NTN4: variants seen among roughly 807,000 people sequenced by gnomAD.
NTN4 encodes netrin-4.
NTN4 carries 32 observed loss-of-function variants against 73.6 expected under a neutral mutation model. The ratio of observed to expected loss-of-function variants is 0.44; its 90% CI spans 0.33 to 0.58. NTN4 has a LOEUF of 0.58. Ranked by LOEUF, NTN4 falls within the 20% of genes least tolerant of loss-of-function variation. The pLI is 0.04. For synonymous variants in NTN4, 258 were observed against 287.5 expected (o/e 0.90, Z 1.04); for missense variants, 654 against 798.3 (o/e 0.82, Z 2.18).
chr12:95,673,087 C>T, intron 7 of NTN4: 1 of 1,382,426 alleles, frequency 7.2e-7, no homozygotes, highest in South Asian at 1.2e-5. Flanking sequence ...GGGCGGACTA[C>T]TGTCCCCAGG....
chr12:95,728,594 C>T (rs1021310282), intron 3 of NTN4, among the ~76,000 whole-genome samples: 2 of 152,202 alleles, frequency 1.3e-5, no homozygotes, highest in African/African-American at 4.8e-5. Context: ...TATGGAAATA[C>T]TATGATCCTG....
intron 3 of NTN4, among the ~76,000 whole-genome samples, chr12:95,721,640 C>T (rs992222926): frequency 7.9e-5 from 12 of 152,252 alleles, no homozygotes; most frequent in Admixed American, 5.9e-4. Context: ...CTATTAGATA[C>T]GATCTGGTAA....
chr12:95,695,198 T>C (rs2078432088), intron 5 of NTN4, among the ~76,000 whole-genome samples: 1 of 152,138 alleles, frequency 6.6e-6, no homozygotes, highest in African/African-American at 2.4e-5. Context: ...TTTCATTTAC[T>C]GAAGTTCAGT....
At chr12:95,669,206 T>A (rs80309349) in intron 8 of NTN4, among the ~76,000 whole-genome samples, 8,214 of 125,974 alleles carry the variant, frequency 0.065, 394 homozygotes, top group East Asian at 0.28. Flanking sequence ...AGACTCTGTC[T>A]AAAAAAAAAA....
At chr12:95,721,560 G>A (rs532730442) in intron 3 of NTN4, among the ~76,000 whole-genome samples, 1 of 152,234 alleles carries the variant, frequency 6.6e-6, no homozygotes, top group East Asian at 1.9e-4. Context: ...ATGACAGCAG[G>A]AATGTAAATA....
At chr12:95,682,256 G>A (rs1462682480) in intron 7 of NTN4, among the ~76,000 whole-genome samples, 3 of 151,462 alleles carry the variant, frequency 2.0e-5, no homozygotes, top group Non-Finnish European at 4.4e-5. Flanking sequence ...CTCTTGCTAT[G>A]TTTCCCAGGC....
chr12:95,731,819 A>G (rs1190798661), intron 3 of NTN4, among the ~76,000 whole-genome samples: 1 of 152,108 alleles, frequency 6.6e-6, no homozygotes, highest in Non-Finnish European at 1.5e-5. Flanking sequence ...CTGACAGGTG[A>G]ATGTAATTGT....
intron 9 of NTN4, among the ~76,000 whole-genome samples, chr12:95,660,584 A>C (rs1203753061): frequency 6.6e-6 from 1 of 152,214 alleles, no homozygotes; most frequent in Admixed American, 6.5e-5. Context: ...CTCATCACCT[A>C]TAGATTAGTA....
intron 4 of NTN4, among the ~76,000 whole-genome samples, chr12:95,712,619 A>G (rs1289754749): frequency 6.6e-6 from 1 of 151,898 alleles, no homozygotes; most frequent in Non-Finnish European, 1.5e-5. Context: ...TTATTTATTT[A>G]GAGACAGAGT....
chr12:95,775,378 C>A (rs11108258), intron 2 of NTN4, among the ~76,000 whole-genome samples: 12,884 of 152,244 alleles, frequency 0.085, 750 homozygotes, highest in Non-Finnish European at 0.12. Flanking sequence ...CAAAGCAGGG[C>A]GAGGCATCGC....
Position 95,719,401 on chromosome 12 carries a change from A to G in NTN4, c.865-6063T>C, listed in dbSNP as rs73375284. ...CCCTTAACGACAGCTGCAGCAATTCATGGACCTCTATAGCTATGACACATA... is the reference window on the plus strand; with the variant it reads ...CCCTTAACGACAGCTGCAGCAATTCGTGGACCTCTATAGCTATGACACATA... On this transcript the variant is annotated intron_variant, in intron 3 of 9. Transcript: ENST00000343702. Among the ~76,000 whole-genome samples the G allele has an allele frequency of 4.0e-3, 606 of 152,308 alleles. 7 individuals are homozygous for G. The highest frequency in any genetic ancestry group is 0.013 in the African/African-American group (553 of 41,576).
intron 3 of NTN4, among the ~76,000 whole-genome samples, chr12:95,716,716 T>C (rs375384128): frequency 6.6e-6 from 1 of 152,124 alleles, no homozygotes; most frequent in African/African-American, 2.4e-5. Flanking sequence ...TTGAAAAGGT[T>C]GTTAATTTCT....
chr12:95,699,714 G>A (rs1168143811), intron 5 of NTN4, among the ~76,000 whole-genome samples: 1 of 152,052 alleles, frequency 6.6e-6, no homozygotes, highest in Non-Finnish European at 1.5e-5. Context: ...GAAACCAGAT[G>A]CTATCTTGGT....
At chr12:95,757,574 C>T (rs556356822) in intron 2 of NTN4, among the ~76,000 whole-genome samples, 27 of 151,804 alleles carry the variant, frequency 1.8e-4, no homozygotes, top group African/African-American at 5.6e-4. Flanking sequence ...AGGGGAAGAA[C>T]AGCCACGTGT....
intron 5 of NTN4, among the ~76,000 whole-genome samples, chr12:95,686,476 G>A (rs940215545): frequency 5.9e-5 from 9 of 152,018 alleles, no homozygotes; most frequent in African/African-American, 1.2e-4. Flanking sequence ...GGAGGGCAAG[G>A]GGCTGGGCGT....
At chr12:95,713,416 C>G in intron 3 of NTN4, 78 bp from the exon 4 acceptor site, 1 of 1,421,978 alleles carries the variant, frequency 7.0e-7, no homozygotes. Context: ...ACAATCTAAT[C>G]TCATGGATTG....
In NTN4 at chr12:95,718,299, C is replaced by T. The variant is rs116270965; in HGVS notation, c.865-4961G>A. ...AAAAGCTGCTTTTTCATTGTCCTTC[C>T]TTTTGGGGCAGAACGCTTTCAGTAG... On this transcript the variant is annotated intron_variant, in intron 3 of 9. Transcript: ENST00000343702. Among the ~76,000 whole-genome samples the T allele has an allele frequency of 8.9e-3, 1,358 of 152,202 alleles. 21 individuals are homozygous for T. The highest frequency in any genetic ancestry group is 0.031 in the African/African-American group (1,277 of 41,542).
rs2079177118 is a variant in NTN4, at chr12:95,787,391, G to A, written c.133C>T (p.Arg45Ter). ...NPRMGNLALGRKLWADTTCGQ... is the reference protein window; with the variant it reads ...NPRMGNLALG ...CAGGTGGTGTCTGCCCAGAGTTTTCGCCCCAAAGCCAAATTTCCCATCCGA... is the reference window on the plus strand; with the variant it reads ...CAGGTGGTGTCTGCCCAGAGTTTTCACCCCAAAGCCAAATTTCCCATCCGA... Residue 45 changes from arginine (R) to a stop codon, truncating the protein, a stop_gained, in exon 2 of 10, where the codon CGA (arginine) becomes TGA (stop). Coordinates refer to ENST00000343702, the MANE Select transcript of NTN4 (RefSeq NM_021229.4). LOFTEE classifies it high-confidence loss of function. The A allele has an allele frequency of 1.9e-6, 3 of 1,613,992 alleles. No homozygotes were observed. The highest frequency in any genetic ancestry group is 1.7e-6 in the Non-Finnish European group (2 of 1,180,032).
At chr12:95,788,968 TG>T (rs1326602889) in intron 1 of NTN4, among the ~76,000 whole-genome samples, 1 of 152,172 alleles carries the variant, frequency 6.6e-6, no homozygotes, top group Non-Finnish European at 1.5e-5. Context: ...TGCCATAATA[TG>T]GTTTGAGAAG....
Sources: gnomAD v4.1 joint callset for allele counts (sites outside exome capture counted in the v4.1 genomes callset) on GRCh38, gnomAD v4.1.1 for gene constraint, MANE v1.5 for transcripts, NCBI Gene and HGNC (gene_info 2026-07-23, HGNC 2026-07-21) for gene names.